CTNND2: variants seen among roughly 807,000 people sequenced by gnomAD.
The protein encoded by CTNND2 is catenin delta 2.
In CTNND2, 22 loss-of-function variants were observed where a neutral mutation model predicts 144.4. The observed-to-expected ratio is 0.15, with a 90% confidence interval of 0.11 to 0.22. The LOEUF is 0.22. Ranked by LOEUF, CTNND2 falls within the 10% of genes least tolerant of loss-of-function variation. The pLI, the probability that CTNND2 is intolerant of heterozygous loss-of-function variation, is 1.00. For synonymous variants in CTNND2, 751 were observed against 695.6 expected, an observed-to-expected ratio of 1.08 and a Z score of -1.25; for missense variants, 1,353 against 1,618.8, an observed-to-expected ratio of 0.84 and a Z score of 2.82.
chr5:11,661,121 T>C (rs1473759595), intron 2 of CTNND2, among the ~76,000 whole-genome samples: 2 of 152,170 alleles, frequency 1.3e-5, no homozygotes, highest in Admixed American at 1.3e-4. Context: ...TAGATACAAC[T>C]TATCACCCAC....
At chr5:11,854,371 T>C (rs1252414043) in intron 1 of CTNND2, among the ~76,000 whole-genome samples, 1 of 152,226 alleles carries the variant, frequency 6.6e-6, no homozygotes, top group African/African-American at 2.4e-5. Context: ...TCATTTCTGT[T>C]TGCTGTTTAT....
intron 2 of CTNND2, among the ~76,000 whole-genome samples, chr5:11,638,523 T>C (rs1781827681): frequency 6.6e-6 from 1 of 152,214 alleles, no homozygotes; most frequent in African/African-American, 2.4e-5. Flanking sequence ...ATTAAAAATA[T>C]GTTTCCCGCA....
intron 1 of CTNND2, among the ~76,000 whole-genome samples, chr5:11,773,605 T>C (rs1270952998): frequency 6.6e-6 from 1 of 151,916 alleles, no homozygotes; most frequent in Non-Finnish European, 1.5e-5. Context: ...AGGTCAGGAG[T>C]TAGAGGCCAG....
chr5:11,465,702 T>G (rs1027442019), intron 3 of CTNND2, among the ~76,000 whole-genome samples: 3 of 152,204 alleles, frequency 2.0e-5, no homozygotes, highest in Non-Finnish European at 4.4e-5. Flanking sequence ...AAAACCATCA[T>G]GGTGACTAAA....
At chr5:11,570,455 T>A (rs1446356198) in intron 2 of CTNND2, among the ~76,000 whole-genome samples, 1 of 152,182 alleles carries the variant, frequency 6.6e-6, no homozygotes, top group Admixed American at 6.5e-5. Flanking sequence ...ACTTTGCACA[T>A]CTTTATATGT....
At chr5:11,051,494 CTT>C (rs1324078453) in intron 16 of CTNND2, among the ~76,000 whole-genome samples, 3 of 152,204 alleles carry the variant, frequency 2.0e-5, no homozygotes. Context: ...TGGAACTTCT[CTT>C]GATTGTATCT....
intron 1 of CTNND2, among the ~76,000 whole-genome samples, chr5:11,733,691 T>C (rs1342798939): frequency 6.6e-6 from 1 of 152,206 alleles, no homozygotes; most frequent in African/African-American, 2.4e-5. Flanking sequence ...TCCTAGTCCA[T>C]GACAGACAGC....
chr5:11,034,051 G>C (rs572114492), intron 16 of CTNND2, among the ~76,000 whole-genome samples: 15 of 152,284 alleles, frequency 9.9e-5, no homozygotes, highest in South Asian at 6.2e-4. Flanking sequence ...TCAATATTTA[G>C]TATCTAAGGT....
intron 1 of CTNND2, among the ~76,000 whole-genome samples, chr5:11,779,556 A>G (rs1038230278): frequency 6.6e-6 from 1 of 152,218 alleles, no homozygotes; most frequent in Admixed American, 6.5e-5. Flanking sequence ...AGCCTGTAAC[A>G]GGAATTATGA....
At chr5:11,103,419 C>T (rs966456212) in intron 14 of CTNND2, among the ~76,000 whole-genome samples, 8 of 152,004 alleles carry the variant, frequency 5.3e-5, no homozygotes, top group African/African-American at 1.5e-4. Flanking sequence ...GCCCATAATC[C>T]GAGCACTTTG....
At chr5:11,265,661 A>G (rs1745358282) in intron 9 of CTNND2, among the ~76,000 whole-genome samples, 1 of 150,128 alleles carries the variant, frequency 6.7e-6, no homozygotes, top group African/African-American at 2.5e-5. Flanking sequence ...GTCCAAAATC[A>G]GTTGCAAATC....
chr5:11,651,576 A>G (rs1282034156), intron 2 of CTNND2, among the ~76,000 whole-genome samples: 1 of 152,234 alleles, frequency 6.6e-6, no homozygotes, highest in Non-Finnish European at 1.5e-5. Flanking sequence ...TGCCTTGAAA[A>G]GCCATAGGCA....
chr5:11,071,666 C>T lies in CTNND2; in HGVS notation c.2788+11030G>A, dbSNP rs1310520137. ...AACTGGAGTACCTTGCAAAGGTAAG[C>T]GTGGCAGCAGTGATGTGGGAGGGGG... On this transcript the variant is annotated intron_variant, in intron 16 of 21. Coordinates refer to ENST00000304623, the MANE Select transcript of CTNND2 (RefSeq NM_001332.4). Among the ~76,000 whole-genome samples the T allele has an allele frequency of 2.6e-5, 4 of 151,076 alleles. No homozygotes were observed. In the South Asian group the frequency reaches 6.3e-4, roughly 24 times the overall value.
At chr5:11,696,109 G>A (rs1785127696) in intron 2 of CTNND2, among the ~76,000 whole-genome samples, 1 of 152,184 alleles carries the variant, frequency 6.6e-6, no homozygotes, top group Non-Finnish European at 1.5e-5. Context: ...CAAGGGGCCA[G>A]ATAGTACATA....
intron 9 of CTNND2, among the ~76,000 whole-genome samples, chr5:11,270,585 T>C (rs957816873): frequency 2.6e-5 from 4 of 152,142 alleles, no homozygotes; most frequent in African/African-American, 7.2e-5. Flanking sequence ...AGACAATAGA[T>C]TATGAAATGC....
rs1484493652 is a variant in CTNND2, at chr5:11,507,811, G to A, written c.287+57133C>T. ...GCACGAGCAGCCACAGATGGCTGGG[G>A]ACCCAAGGAGTCTTAAGGACAAAAA... On this transcript the variant is annotated intron_variant, in intron 3 of 21. Transcript: ENST00000304623. Among the ~76,000 whole-genome samples, 8 of 152,266 alleles carry A rather than the reference G, an allele frequency of 5.3e-5. No individual in the cohort carries two copies. The South Asian group carries it at 6.2e-4, about 12-fold the overall frequency.
intron 3 of CTNND2, among the ~76,000 whole-genome samples, chr5:11,521,196 C>A (rs572627232): frequency 1.3e-5 from 2 of 152,254 alleles, no homozygotes; most frequent in East Asian, 3.9e-4. Flanking sequence ...CCATATATTT[C>A]TTAATGTTTT....
chr5:11,770,425 A>T (rs1168925844), intron 1 of CTNND2, among the ~76,000 whole-genome samples: 1 of 126,876 alleles, frequency 7.9e-6, no homozygotes, highest in Admixed American at 7.5e-5. Context: ...AGAAGGAAGG[A>T]AGGAAGGAAG....
chr5:11,057,846 C>T (rs1746502592), intron 16 of CTNND2, among the ~76,000 whole-genome samples: 1 of 152,052 alleles, frequency 6.6e-6, no homozygotes, highest in Admixed American at 6.5e-5. Context: ...GAGGTGGTCT[C>T]AGATGGAAAT....
Sources: gnomAD v4.1 joint callset for allele counts (sites outside exome capture counted in the v4.1 genomes callset) on GRCh38, gnomAD v4.1.1 for gene constraint, MANE v1.5 for transcripts, NCBI Gene and HGNC (gene_info 2026-07-23, HGNC 2026-07-21) for gene names.